BSN: variants seen among roughly 807,000 people sequenced by gnomAD.
BSN encodes bassoon presynaptic cytomatrix protein, also known as protein bassoon.
A neutral mutation model predicts 264.8 loss-of-function variants in BSN; 57 were observed. The observed-to-expected ratio is 0.22, with a 90% CI of 0.17 to 0.27. The LOEUF (loss-of-function observed/expected upper bound fraction) is 0.27. BSN is among the 10% of genes least tolerant of loss of function. BSN has a pLI of 1.00. For missense variants in BSN, 4,615 were observed against 5,232.5 expected (o/e 0.88, Z 3.64); for synonymous variants, 2,059 against 2,137.3 (o/e 0.96, Z 1.01).
intron 5 of BSN, among the ~76,000 whole-genome samples, chr3:49,659,946 A>C (rs2052639309): frequency 6.6e-6 from 1 of 152,028 alleles, no homozygotes; most frequent in Non-Finnish European, 1.5e-5. Context: ...CTAGGGCAGG[A>C]TGCAGAATGA....
chr3:49,595,035 C>T (rs1054423788), intron 1 of BSN, among the ~76,000 whole-genome samples: 12 of 151,792 alleles, frequency 7.9e-5, no homozygotes, highest in Middle Eastern at 3.4e-3. Context: ...GGACCACAGG[C>T]GTGCACCATC....
intron 3 of BSN, among the ~76,000 whole-genome samples, chr3:49,645,276 A>G (rs1266913921): frequency 6.6e-6 from 1 of 152,056 alleles, no homozygotes; most frequent in African/African-American, 2.4e-5. Context: ...AGCTCTCCCT[A>G]TCAATGCTGC....
In BSN at chr3:49,662,386, C is replaced by T. The variant is rs1177787212; in HGVS notation, c.10541C>T (p.Pro3514Leu). The T allele has an allele frequency of 2.5e-6, 4 of 1,613,434 alleles. No homozygotes were observed. The highest frequency in any genetic ancestry group is 1.6e-4 in the Middle Eastern group (1 of 6,074). ...AGCCCCGTCAGTCCTTTGGGGAGGC[C>T]CCGCCCTGCCGGAGGGCCCCTCCCT... Reference protein sequence around the residue: ...EESPVSPLGRPRPAGGPLPPG... With the variant: ...EESPVSPLGRLRPAGGPLPPG... The change falls in exon 6 of 12, where the codon CCC becomes CTC. Residue 3514 changes from proline (P) to leucine (L), a missense_variant. Coordinates refer to ENST00000296452, the MANE Select transcript of BSN (RefSeq NM_003458.4).
chr3:49,561,636 A>G (rs966399207), intron 1 of BSN, among the ~76,000 whole-genome samples: 1 of 152,192 alleles, frequency 6.6e-6, no homozygotes, highest in Admixed American at 6.5e-5. Context: ...ATATTATGAC[A>G]TATTATGGAA....
In BSN at chr3:49,661,820, C is replaced by T. The variant is rs1213203738; in HGVS notation, c.9975C>T (p.Tyr3325=). 4 of 1,613,508 alleles carry T rather than the reference C, an allele frequency of 2.5e-6. No individual in the cohort carries two copies. The highest frequency in any genetic ancestry group is 3.4e-6 in the Non-Finnish European group (4 of 1,180,056). ...ASTHYYGDSD[Y]RHGARVEKYG... ...CCCACTACTATGGTGACAGTGACTA[C>T]AGGCATGGGGCTCGAGTAGAGAAGT... The change falls in exon 6 of 12, where the codon TAC becomes TAT. Residue 3325 remains tyrosine, a synonymous_variant. Transcript: ENST00000296452.
chr3:49,652,546 C>T lies in BSN; in HGVS notation c.2990C>T (p.Thr997Ile). Residue 997 changes from threonine (T) to isoleucine (I), a missense_variant, in exon 5 of 12, where the codon ACC becomes ATC. By Grantham distance (89) the Thr-to-Ile change is moderately conservative. Transcript: ENST00000296452. ...AGCTACACCTCGGGCACCTCTCCCA[C>T]CTCTCTGTCCTCCCTAGAGGAGGAC... ...TPSYTSGTSP[T>I]SLSSLEEDSD... 6.2e-7 allele frequency: 1 copy of T among 1,613,652 alleles called. No individual in the cohort carries two copies. Among genetic ancestry groups the T allele is most frequent in the Non-Finnish European group, 8.5e-7 (1 of 1,179,982 alleles).
intron 1 of BSN, among the ~76,000 whole-genome samples, chr3:49,615,017 C>T (rs751047634): frequency 3.3e-5 from 5 of 152,196 alleles, no homozygotes; most frequent in African/African-American, 1.2e-4. Context: ...TTAATGGCAG[C>T]AAGTCTTGTT....
At position 49,625,038 on chromosome 3, in the gene BSN, G is replaced by T; in HGVS notation, c.288G>T (p.Pro96=). Reference sequence around the variant, plus strand: ...ACCAGAGAGCAGCTTCCCCAACTCCGAAGCAGGCTTCTGCTACCACTCCTG... The same window carrying T: ...ACCAGAGAGCAGCTTCCCCAACTCCTAAGCAGGCTTCTGCTACCACTCCTG... ...LGNQRAASPT[P]KQASATTPGH... Residue 96 remains proline (P), a synonymous_variant, in exon 2 of 12, where the codon CCG becomes CCT. Transcript: ENST00000296452. The surrounding 1 kb of genome is among the most constrained non-coding windows in gnomAD (Gnocchi z 4.4). The T allele has an allele frequency of 6.3e-7, 1 of 1,588,940 alleles. No homozygotes were observed. Among genetic ancestry groups the T allele is most frequent in the Non-Finnish European group, 8.5e-7 (1 of 1,169,998 alleles).
At chr3:49,584,319 G>T (rs1173971206) in intron 1 of BSN, among the ~76,000 whole-genome samples, 2 of 149,138 alleles carry the variant, frequency 1.3e-5, no homozygotes, top group Non-Finnish European at 1.5e-5. Context: ...ACCATCTTTT[G>T]GTTTTATTGT....
Position 49,652,299 on chromosome 3 carries a change from G to A in BSN, c.2743G>A (p.Ala915Thr). The A allele has an allele frequency of 6.3e-7, 1 of 1,597,308 alleles. No homozygotes were observed. Among genetic ancestry groups the A allele is most frequent in the Non-Finnish European group, 8.5e-7 (1 of 1,170,990 alleles). Reference protein sequence around the residue: ...YEELLPEGGSAEATDGSGTLQ... With the variant: ...YEELLPEGGSTEATDGSGTLQ... ...GGAGCTGCTCCCTGAGGGAGGCTCA[G>A]CAGAGGCTACCGATGGCAGTGGGAC... The change falls in exon 5 of 12, where the codon GCA becomes ACA. Residue 915 changes from alanine (A) to threonine (T), a missense_variant. Around this residue, in one of 3 missense-constraint regions of BSN, gnomAD observed 1,197 missense variants for 1,348.0 expected, o/e 0.89. Transcript: ENST00000296452.
At chr3:49,613,960 G>A (rs996707127) in intron 1 of BSN, among the ~76,000 whole-genome samples, 2 of 151,066 alleles carry the variant, frequency 1.3e-5, no homozygotes, top group African/African-American at 2.4e-5. Context: ...GATTAAAGGA[G>A]TAGTAACCTC....
chr3:49,658,341 T>C (rs1052603255), intron 5 of BSN, 145 bp downstream of exon 5: 3 of 1,007,136 alleles, frequency 3.0e-6, no homozygotes, highest in Admixed American at 6.8e-5. Flanking sequence ...GAGCAGATGC[T>C]CCCTGGTGCA....
Position 49,653,463 on chromosome 3 carries a change from C to A in BSN, c.3907C>A (p.Gln1303Lys). The A allele has an allele frequency of 2.5e-6, 4 of 1,613,986 alleles. No individual in the cohort carries two copies. Among genetic ancestry groups the A allele is most frequent in the Non-Finnish European group, 3.4e-6 (4 of 1,179,960 alleles). The change falls in exon 5 of 12, where the codon CAA (glutamine) becomes AAA (lysine). Residue 1303 changes from glutamine to lysine, a missense_variant. By Grantham distance (53) the Gln-to-Lys change is moderately conservative (BLOSUM62 1). Around this residue, in one of 3 missense-constraint regions of BSN, gnomAD observed 3,415 missense variants for 3,866.4 expected, o/e 0.88. Transcript: ENST00000296452. The surrounding 1 kb of genome is among the most constrained non-coding windows in gnomAD (Gnocchi z 6.3). ...AESAYMDPMK[Q>K]NGGPLTPGTS... ...GAGTGCATACATGGACCCAATGAAG[C>A]AAAATGGTGGCCCCCTTACCCCTGG... is the stretch of plus-strand genomic sequence containing the variant.
intron 1 of BSN, among the ~76,000 whole-genome samples, chr3:49,561,008 C>G (rs926399208): frequency 3.9e-5 from 6 of 152,210 alleles, no homozygotes; most frequent in Admixed American, 3.9e-4. Context: ...ATCTCTCCTT[C>G]CTATTATTCG....
chr3:49,664,894 G>A, intron 10 of BSN, 41 bp downstream of exon 10: 1 of 1,503,180 alleles, frequency 6.7e-7, no homozygotes, highest in Non-Finnish European at 9.2e-7. Context: ...TCTGGGAAAG[G>A]CCCGAGGCAC....
In BSN at chr3:49,662,112, T is replaced by C. The variant is rs757042484; in HGVS notation, c.10267T>C (p.Tyr3423His). The change falls in exon 6 of 12, where the codon TAT (tyrosine) becomes CAT (histidine). Residue 3423 changes from tyrosine (Y) to histidine (H), a missense_variant. Physicochemically the swap from Tyr to His is moderately conservative, Grantham distance 83. This residue lies in a region of BSN where 3,415 missense variants were observed against 3,866.4 expected (regional missense o/e 0.88). Coordinates refer to ENST00000296452, the MANE Select transcript of BSN (RefSeq NM_003458.4). ...KKNVYEQQKY[Y>H]GMSSRDAVED... ...GAACGTGTATGAGCAGCAAAAATAC[T>C]ATGGGATGTCCAGCCGGGACGCAGT... 1.2e-6 allele frequency: 2 copies of C among 1,613,500 alleles called. No individual in the cohort carries two copies. The highest frequency in any genetic ancestry group is 2.2e-5 in the East Asian group (1 of 44,882).
At chr3:49,606,148 T>TATATATTATATATACATATATTATATAC (rs1559603447) in intron 1 of BSN, among the ~76,000 whole-genome samples, 1 of 60,252 alleles carries the variant, frequency 1.7e-5, no homozygotes, top group African/African-American at 6.7e-5. Context: ...ATATTATATA[T>TATATATTATATATACATATATTATATAC]GTATATATTA....
At chr3:49,631,746 G>A (rs2052385564) in intron 2 of BSN, among the ~76,000 whole-genome samples, 1 of 152,166 alleles carries the variant, frequency 6.6e-6, no homozygotes, top group African/African-American at 2.4e-5. Context: ...AAGGCATGCA[G>A]GTCCTGCTGG....
chr3:49,631,453 G>A (rs2052383631), intron 2 of BSN, among the ~76,000 whole-genome samples: 4 of 151,790 alleles, frequency 2.6e-5, no homozygotes, highest in Admixed American at 2.6e-4. Flanking sequence ...AAGTATTTGG[G>A]AGGCTGAGGT....
Sources: gnomAD v4.1 joint callset for allele counts (sites outside exome capture counted in the v4.1 genomes callset) on GRCh38, gnomAD v4.1.1 for gene constraint, gnomAD v4.1.1 regional missense constraint, Gnocchi (gnomAD v3.1) non-coding constraint, MANE v1.5 for transcripts, NCBI Gene and HGNC (gene_info 2026-07-23, HGNC 2026-07-21) for gene names.